The following KAZN variants were observed in gnomAD, a reference collection of about 807,000 sequenced individuals.
KAZN encodes kazrin.
KAZN carries 40 observed loss-of-function variants against 87.4 expected under a neutral mutation model. The ratio of observed to expected loss-of-function variants is 0.46; its 90% CI spans 0.36 to 0.60. The LOEUF (loss-of-function observed/expected upper bound fraction) is 0.60, where lower values mean the gene tolerates loss of function less well. Ranked by LOEUF, KAZN falls within the 20% of genes least tolerant of loss-of-function variation. The pLI is 0.00. For synonymous variants in KAZN, 466 were observed against 458.3 expected, an observed-to-expected ratio of 1.02 and a Z score of -0.22; for missense variants, 898 against 1,073.9, an observed-to-expected ratio of 0.84 and a Z score of 2.29.
At chr1:14,706,706 G>C (rs966663873) in intron 1 of KAZN, among the ~76,000 whole-genome samples, 1 of 152,148 alleles carries the variant, frequency 6.6e-6, no homozygotes, top group Non-Finnish European at 1.5e-5. Flanking sequence ...TTGAACATAT[G>C]AATCTGGGGG....
At chr1:14,425,014 T>C (rs1248033250) in intron 2 of KAZN, among the ~76,000 whole-genome samples, 6 of 152,224 alleles carry the variant, frequency 3.9e-5, no homozygotes, top group Admixed American at 3.9e-4. Flanking sequence ...TAAGTCACTT[T>C]AACAAAACAG....
intron 2 of KAZN, among the ~76,000 whole-genome samples, chr1:14,430,033 C>A (rs529509185): frequency 6.6e-6 from 1 of 152,230 alleles, no homozygotes; most frequent in East Asian, 1.9e-4. Flanking sequence ...ACACACCAGG[C>A]AGCCTCCAAC....
intron 2 of KAZN, among the ~76,000 whole-genome samples, chr1:15,001,842 G>GAA (rs1668507532): frequency 7.2e-6 from 1 of 138,816 alleles, no homozygotes; most frequent in African/African-American, 2.7e-5. Context: ...TTCTGGCGAT[G>GAA]TCCCTCTTGG....
chr1:15,098,935 C>A (rs1352603188), intron 10 of KAZN, among the ~76,000 whole-genome samples: 1 of 152,210 alleles, frequency 6.6e-6, no homozygotes, highest in Admixed American at 6.5e-5. Flanking sequence ...CAGGAGCTGA[C>A]CGTCCAGTGA....
intron 2 of KAZN, among the ~76,000 whole-genome samples, chr1:14,271,697 T>A (rs1323356201): frequency 6.6e-6 from 1 of 152,222 alleles, no homozygotes; most frequent in Non-Finnish European, 1.5e-5. Flanking sequence ...ATAGTTTTTG[T>A]CTCTAAATCT....
intron 2 of KAZN, among the ~76,000 whole-genome samples, chr1:14,273,028 A>C (rs1001663234): frequency 6.6e-6 from 1 of 152,142 alleles, no homozygotes; most frequent in South Asian, 2.1e-4. Context: ...AGAGAGAGGA[A>C]ACGACTTGCC....
At chr1:14,473,063 A>G (rs574598770) in intron 2 of KAZN, among the ~76,000 whole-genome samples, 2 of 152,306 alleles carry the variant, frequency 1.3e-5, no homozygotes, top group South Asian at 2.1e-4. Context: ...TACCAGTTCA[A>G]ATTTCTTCTC....
chr1:14,609,736 A>G lies in KAZN; in HGVS notation c.226+10513A>G, dbSNP rs547044046. ...GCAGAATCCAAAGACTTTCACAGGC[A>G]TCATCCCAGTGGACCCTTCCAAGTG... On this transcript the variant is annotated intron_variant, in intron 1 of 14. Transcript: ENST00000376030. 3.3e-5 allele frequency among the ~76,000 whole-genome samples: 5 copies of G among 152,378 alleles called. No homozygotes were observed. The South Asian group carries it at 6.2e-4, about 19-fold the overall frequency.
At chr1:13,944,954 G>C (rs1570351758) in intron 1 of KAZN, among the ~76,000 whole-genome samples, 1 of 152,134 alleles carries the variant, frequency 6.6e-6, no homozygotes, top group Non-Finnish European at 1.5e-5. Flanking sequence ...GCTTACAAGA[G>C]ATATCCCTTA....
At chr1:14,053,710 C>A (rs2101476983) in intron 1 of KAZN, among the ~76,000 whole-genome samples, 1 of 152,288 alleles carries the variant, frequency 6.6e-6, no homozygotes, top group South Asian at 2.1e-4. Context: ...CTTTGGTATA[C>A]AGACGAATAC....
At chr1:14,054,963 T>C (rs1642488982) in intron 1 of KAZN, among the ~76,000 whole-genome samples, 1 of 152,174 alleles carries the variant, frequency 6.6e-6, no homozygotes, top group South Asian at 2.1e-4. Flanking sequence ...GGCCAGGTAG[T>C]TCTTTGCTGT....
chr1:14,381,196 C>T (rs1661338106), intron 2 of KAZN, among the ~76,000 whole-genome samples: 1 of 152,056 alleles, frequency 6.6e-6, no homozygotes, highest in Non-Finnish European at 1.5e-5. Context: ...ATTGATACAT[C>T]AGAAAGGTAT....
intron 2 of KAZN, among the ~76,000 whole-genome samples, chr1:14,255,615 T>C (rs1009715424): frequency 2.0e-5 from 3 of 152,220 alleles, no homozygotes; most frequent in Non-Finnish European, 4.4e-5. Flanking sequence ...GTCATAGTTT[T>C]ATACAACTGA....
chr1:14,930,736 C>T lies in KAZN; in HGVS notation c.227-29948C>T, dbSNP rs770231555. Among the ~76,000 whole-genome samples the T allele has an allele frequency of 3.9e-5, 6 of 152,214 alleles. No homozygotes were observed. In the South Asian group the frequency reaches 6.2e-4, roughly 16 times the overall value. ...CTCCTGCAGTTTCCTTGTCAGCTGA[C>T]GATTCCCCGGGCTACCAGGCCACAG... is the stretch of plus-strand genomic sequence containing the variant. On this transcript the variant is annotated intron_variant, in intron 1 of 14. Coordinates refer to ENST00000376030, the MANE Select transcript of KAZN (RefSeq NM_201628.3).
chr1:14,458,115 C>T (rs1667670538), intron 2 of KAZN, among the ~76,000 whole-genome samples: 1 of 152,032 alleles, frequency 6.6e-6, no homozygotes, highest in Non-Finnish European at 1.5e-5. Flanking sequence ...GCCACCACGC[C>T]CAGTTGACGT....
chr1:15,051,797 C>T (rs1674436281), intron 4 of KAZN, among the ~76,000 whole-genome samples: 1 of 152,232 alleles, frequency 6.6e-6, no homozygotes, highest in South Asian at 2.1e-4. Flanking sequence ...CTTACATAAA[C>T]ATGGTCCCTC....
At chr1:14,898,651 C>T (rs536248332) in intron 1 of KAZN, among the ~76,000 whole-genome samples, 2 of 152,312 alleles carry the variant, frequency 1.3e-5, no homozygotes, top group Admixed American at 6.5e-5. Flanking sequence ...GGGACACACA[C>T]ACAGAGTAGG....
chr1:15,031,198 G>C (rs945652108), intron 2 of KAZN, among the ~76,000 whole-genome samples: 1 of 152,224 alleles, frequency 6.6e-6, no homozygotes, highest in African/African-American at 2.4e-5. Flanking sequence ...ACATAGGGTC[G>C]GGTGTCGACT....
intron 1 of KAZN, among the ~76,000 whole-genome samples, chr1:13,956,803 G>A (rs1190889739): frequency 1.3e-5 from 2 of 152,126 alleles, no homozygotes; most frequent in African/African-American, 4.8e-5. Context: ...AGAGATTGAG[G>A]GAGCTGCTCA....
Sources: allele counts gnomAD v4.1 joint callset (sites outside exome capture counted in the v4.1 genomes callset), GRCh38; gene constraint gnomAD v4.1.1; transcripts MANE v1.5; gene names NCBI Gene and HGNC (gene_info 2026-07-23, HGNC 2026-07-21).